Variants in RUSC2 observed in about 807,000 individuals in gnomAD.
RUSC2 encodes the protein RUN and SH3 domain containing 2.
RUSC2 carries 34 observed loss-of-function variants against 122.2 expected under a neutral mutation model. That is an observed-to-expected ratio of 0.28 (90% CI 0.21 to 0.37). RUSC2 has a LOEUF of 0.37. Among genes scored for constraint, RUSC2 ranks in the 10% least tolerant of loss-of-function variants. RUSC2 has a pLI of 1.00. For synonymous variants in RUSC2, 784 were observed against 790.0 expected, an observed-to-expected ratio of 0.99 and a Z score of 0.13; for missense variants, 1,747 against 1,952.4, an observed-to-expected ratio of 0.89 and a Z score of 1.98.
chr9:35,559,956 CTG>C, intron 9 of RUSC2, 71 bp from the exon 10 acceptor site: 1 of 1,295,286 alleles, frequency 7.7e-7, no homozygotes, highest in Non-Finnish European at 1.1e-6. Flanking sequence ...TCTGCCCAGA[CTG>C]TCTTTCAAAG....
intron 1 of RUSC2, chr9:35,538,613 T>A (rs932014824): frequency 6.6e-6 from 1 of 152,366 alleles, no homozygotes; most frequent in African/African-American, 2.4e-5. Flanking sequence ...GGAAGGAAGC[T>A]CCAAGGCTCT....
At chr9:35,549,922 AGT>A (rs1821850265) in intron 2 of RUSC2, among the ~76,000 whole-genome samples, 1 of 151,218 alleles carries the variant, frequency 6.6e-6, no homozygotes, top group East Asian at 1.9e-4. Flanking sequence ...TTAAAAAAAA[AGT>A]AATTGGGCTG....
rs535950989 is a variant in RUSC2 at position 35,504,570 on chromosome 9, A to T, written c.-93+14398A>T. On this transcript the variant is annotated intron_variant, in intron 1 of 11. Transcript: ENST00000361226. ...AATCTCTGCCTCCCAGGTTCAAGCG[A>T]TTCTCCTGCCTCAGCCTCCCAAGTA... 7.9e-5 allele frequency among the ~76,000 whole-genome samples: 12 copies of T among 151,418 alleles called. No individual in the cohort carries two copies. In the East Asian group the frequency reaches 2.3e-3, roughly 30 times the overall value.
In RUSC2 at chr9:35,556,424, T is replaced by G. The variant is rs145303576; in HGVS notation, c.2959T>G (p.Ser987Ala). The change falls in exon 5 of 12, where the codon TCC becomes GCC. Residue 987 changes from serine to alanine, a missense_variant. By Grantham distance (99) the Ser-to-Ala change is moderately conservative. Transcript: ENST00000361226. Reference sequence around the variant, plus strand: ...CCCAGATGGCAGCTCAGAGGCCATTTCCATTGACCTGCTTCAGAAAAAAGG... The same window carrying G: ...CCCAGATGGCAGCTCAGAGGCCATTGCCATTGACCTGCTTCAGAAAAAAGG... ...LSPDGSSEAI[S>A]IDLLQKKGLV... 5 of 1,613,944 alleles carry G rather than the reference T, an allele frequency of 3.1e-6. No homozygotes were observed. The highest frequency in any genetic ancestry group is 4.2e-6 in the Non-Finnish European group (5 of 1,179,994).
intron 1 of RUSC2, among the ~76,000 whole-genome samples, chr9:35,516,797 A>C (rs953902758): frequency 1.3e-5 from 2 of 152,204 alleles, no homozygotes; most frequent in African/African-American, 4.8e-5. Flanking sequence ...CAATCAGCAA[A>C]TTATGGTCCC....
At chr9:35,528,736 G>A (rs866769626) in intron 1 of RUSC2, among the ~76,000 whole-genome samples, 15 of 151,974 alleles carry the variant, frequency 9.9e-5, no homozygotes, top group African/African-American at 3.4e-4. Flanking sequence ...GAACTTCTAG[G>A]CTCAAGCAGT....
intron 8 of RUSC2, 109 bp from the exon 9 acceptor site, chr9:35,559,117 C>A: frequency 1.2e-6 from 1 of 863,118 alleles, no homozygotes; most frequent in South Asian, 1.3e-5. Context: ...TGAATCGTGC[C>A]ATGGAAGGGC....
At chr9:35,544,523 GTCTCTGTC>G (rs1554726563) in intron 1 of RUSC2, among the ~76,000 whole-genome samples, 3 of 152,020 alleles carry the variant, frequency 2.0e-5, no homozygotes, top group Non-Finnish European at 4.4e-5. Context: ...GGCCAGGATG[GTCTCTGTC>G]TCCTGACCTC....
Position 35,547,469 on chromosome 9 carries a change from C to A in RUSC2, c.948C>A (p.Asp316Glu). ...ACTCTTCCTTCTGCAGCCACTCAGA[C>A]CCTGGCGCCTTCTATCTGGATCTGC... ...CSDSSFCSHS[D>E]PGAFYLDLQP... is the part of the protein sequence containing the mutation. Residue 316 changes from aspartate (D) to glutamate (E), a missense_variant, in exon 2 of 12, where the codon GAC becomes GAA. Physicochemically the swap from Asp to Glu is conservative, Grantham distance 45. Transcript: ENST00000361226. This position sits in a 1 kb window ranked among gnomAD's most constrained non-coding sequence, Gnocchi z 4.6. 1 of 1,614,244 alleles carries A rather than the reference C, an allele frequency of 6.2e-7. No homozygotes were observed. The highest frequency in any genetic ancestry group is 1.7e-5 in the Admixed American group (1 of 60,028).
At chr9:35,543,421 C>CA (rs561995874) in intron 1 of RUSC2, among the ~76,000 whole-genome samples, 25 of 150,086 alleles carry the variant, frequency 1.7e-4, no homozygotes, top group African/African-American at 5.4e-4. Flanking sequence ...GAACCTGTCT[C>CA]AAAAAAAAGA....
chr9:35,548,131 C>G lies in RUSC2; in HGVS notation c.1610C>G (p.Pro537Arg). Residue 537 changes from proline to arginine, a missense_variant, in exon 2 of 12, where the codon CCA (proline) becomes CGA (arginine). Transcript: ENST00000361226. The surrounding 1 kb of genome is among the most constrained non-coding windows in gnomAD (Gnocchi z 4.5). Reference protein sequence around the residue: ...GPAAMAGPGSPPRRVTSFAEL... With the variant: ...GPAAMAGPGSRPRRVTSFAEL... ...GCAGCCATGGCCGGGCCTGGCTCCC[C>G]ACCCAGGAGGGTCACCTCCTTTGCC... 2 of 1,613,260 alleles carry G rather than the reference C, an allele frequency of 1.2e-6. No individual in the cohort carries two copies. Among genetic ancestry groups the G allele is most frequent in the Non-Finnish European group, 1.7e-6 (2 of 1,180,008 alleles).
Position 35,561,844 on chromosome 9 carries a change from T to G in RUSC2, c.*462T>G, listed in dbSNP as rs767272643. ...GGAGCCCAGGCGTCTGTTTATGTAT[T>G]TATTTATTTATTTATTATACCTATT... On this transcript the variant is annotated 3_prime_UTR_variant, in exon 12 of 12. Coordinates refer to ENST00000361226, the MANE Select transcript of RUSC2 (RefSeq NM_014806.5). The G allele has an allele frequency of 1.0e-4, 60 of 595,092 alleles. No homozygotes were observed. The highest frequency in any genetic ancestry group is 3.9e-4 in the South Asian group (19 of 49,194). 36.9% of individuals were successfully genotyped at this position (595,092 alleles called of 1,614,324 possible).
In RUSC2 at chr9:35,558,181, C is replaced by G; in HGVS notation, c.3061-16C>G. On this transcript the variant is annotated splice_polypyrimidine_tract_variant and intron_variant, in intron 6 of 11. Coordinates refer to ENST00000361226, the MANE Select transcript of RUSC2 (RefSeq NM_014806.5). The surrounding 1 kb of genome is among the most constrained non-coding windows in gnomAD (Gnocchi z 4.3). ...GGCCTGAGGGGGTTTCCTGCACTTC[C>G]CTACCACACCTACAGGCAAAGCTGG... 6.2e-7 allele frequency: 1 copy of G among 1,609,378 alleles called. No homozygotes were observed. Among genetic ancestry groups the G allele is most frequent in the Non-Finnish European group, 8.5e-7 (1 of 1,178,146 alleles).
intron 1 of RUSC2, among the ~76,000 whole-genome samples, chr9:35,543,671 G>A (rs1453257473): frequency 1.3e-5 from 2 of 152,150 alleles, no homozygotes; most frequent in Non-Finnish European, 2.9e-5. Flanking sequence ...GCTTCACCAT[G>A]TTGGCCAGGC....
chr9:35,496,382 C>A (rs1820714129), intron 1 of RUSC2, among the ~76,000 whole-genome samples: 1 of 152,128 alleles, frequency 6.6e-6, no homozygotes, highest in Admixed American at 6.6e-5. Flanking sequence ...TGCATTAAAT[C>A]TTCTTTTGTT....
intron 8 of RUSC2, 21 bp from the exon 9 acceptor site, chr9:35,559,205 T>G (rs891347390): frequency 6.2e-7 from 1 of 1,605,714 alleles, no homozygotes; most frequent in African/African-American, 1.3e-5. Context: ...GACTCAACTC[T>G]CTTCACCTGT....
Position 35,548,562 on chromosome 9 carries a change from T to C in RUSC2, c.2014+27T>C, listed in dbSNP as rs559376622. ...TAAGGAGCCTAAGGGTTAGCAAATA[T>C]GTGGCTATTCACCAGCAGGATATGC... is the stretch of plus-strand genomic sequence containing the variant. On this transcript the variant is annotated intron_variant, in intron 2 of 11. Coordinates refer to ENST00000361226, the MANE Select transcript of RUSC2 (RefSeq NM_014806.5). This position sits in a 1 kb window ranked among gnomAD's most constrained non-coding sequence, Gnocchi z 4.5. The C allele has an allele frequency of 5.3e-5, 84 of 1,570,854 alleles. 1 individual carries two copies. In the South Asian group the frequency reaches 9.0e-4, roughly 17 times the overall value.
intron 1 of RUSC2, among the ~76,000 whole-genome samples, chr9:35,513,372 A>G (rs891449131): frequency 4.0e-4 from 61 of 152,044 alleles, no homozygotes; most frequent in African/African-American, 1.4e-3. Context: ...CCTCCCGAGC[A>G]GCTGGGATTA....
intron 1 of RUSC2, among the ~76,000 whole-genome samples, chr9:35,523,028 A>C (rs1441758372): frequency 6.6e-6 from 1 of 152,254 alleles, no homozygotes; most frequent in Non-Finnish European, 1.5e-5. Context: ...TCTATTGATT[A>C]GTACTGCTTA....
Sources: allele counts gnomAD v4.1 joint callset (sites outside exome capture counted in the v4.1 genomes callset), GRCh38; gene constraint gnomAD v4.1.1; non-coding constraint Gnocchi (gnomAD v3.1); transcripts MANE v1.5; gene names NCBI Gene and HGNC (gene_info 2026-07-23, HGNC 2026-07-21).